ADAMTS6: variants seen among roughly 807,000 people sequenced by gnomAD.
The protein encoded by ADAMTS6 is A disintegrin and metalloproteinase with thrombospondin motifs 6.
Under a neutral mutation model 144.3 loss-of-function variants are expected in ADAMTS6, and 23 were observed. The observed-to-expected ratio is 0.16, with a 90% CI of 0.11 to 0.23. ADAMTS6 has a LOEUF of 0.23. Among genes scored for constraint, ADAMTS6 ranks in the 10% least tolerant of loss-of-function variants. The pLI is 1.00. For missense variants in ADAMTS6, 999 were observed against 1,379.6 expected (o/e 0.72, Z 4.37); for synonymous variants, 444 against 457.5 (o/e 0.97, Z 0.38).
chr5:65,295,718 CTAT>C (rs1742770762), intron 10 of ADAMTS6, among the ~76,000 whole-genome samples: 2 of 152,120 alleles, frequency 1.3e-5, no homozygotes, highest in Middle Eastern at 6.8e-3. Context: ...TTCCTAGACT[CTAT>C]TTTTGTTTAC....
rs776403797 is a variant in ADAMTS6, at chr5:65,226,196, T to C, written c.1957A>G (p.Asn653Asp). 1 of 1,613,780 alleles carries C rather than the reference T, an allele frequency of 6.2e-7. No individual in the cohort carries two copies. The highest frequency in any genetic ancestry group is 1.7e-5 in the Admixed American group (1 of 60,004). Reference protein sequence around the residue: ...TGGGVKPCALNCLAEGYNFYT... With the variant: ...TGGGVKPCALDCLAEGYNFYT... ...AAATTATAACCTTCAGCCAAGCAGTTTAATGCACAAGGTTTTACCCCACCT... is the reference window on the plus strand; with the variant it reads ...AAATTATAACCTTCAGCCAAGCAGTCTAATGCACAAGGTTTTACCCCACCT... The change falls in exon 16 of 25, where the codon AAC becomes GAC. Residue 653 changes from asparagine (N) to aspartate (D), a missense_variant. Around this residue, in one of 3 missense-constraint regions of ADAMTS6, gnomAD observed 619 missense variants for 837.0 expected, o/e 0.74. Coordinates refer to ENST00000381055, the MANE Select transcript of ADAMTS6 (RefSeq NM_197941.4).
At chr5:65,176,457 A>G (rs991609776) in intron 22 of ADAMTS6, among the ~76,000 whole-genome samples, 3 of 152,318 alleles carry the variant, frequency 2.0e-5, no homozygotes, top group Non-Finnish European at 4.4e-5. Context: ...TTAAAAGGTT[A>G]AAAAGTATAT....
chr5:65,473,458 C>T (rs1323904522), intron 2 of ADAMTS6, 119 bp downstream of exon 2: 1 of 803,762 alleles, frequency 1.2e-6, no homozygotes, highest in East Asian at 2.4e-5. Context: ...CACAGTAGGC[C>T]TCTATTCCTA....
intron 7 of ADAMTS6, among the ~76,000 whole-genome samples, chr5:65,445,091 CTTCT>C (rs975822086): frequency 1.3e-5 from 2 of 152,078 alleles, no homozygotes; most frequent in Non-Finnish European, 2.9e-5. Context: ...ACAATACATC[CTTCT>C]TTAACTGTTT....
intron 7 of ADAMTS6, among the ~76,000 whole-genome samples, chr5:65,334,662 T>G (rs1423070985): frequency 6.6e-6 from 1 of 152,178 alleles, no homozygotes; most frequent in East Asian, 1.9e-4. Flanking sequence ...ACAAATATTT[T>G]TAAGTGATTT....
In ADAMTS6 at chr5:65,376,997, C is replaced by T. The variant is rs567351008; in HGVS notation, c.1074-42912G>A. 7.2e-4 allele frequency among the ~76,000 whole-genome samples: 109 copies of T among 151,966 alleles called. 1 individual carries two copies. The highest frequency in any genetic ancestry group is 1.3e-3 in the Non-Finnish European group (90 of 68,004). ...CGAAAAAGGGGTGAGAGTATCCCCCCTACCTCATGGAAGACTTATATATAT... is the reference window on the plus strand; with the variant it reads ...CGAAAAAGGGGTGAGAGTATCCCCCTTACCTCATGGAAGACTTATATATAT... On this transcript the variant is annotated intron_variant, in intron 7 of 24. Coordinates refer to ENST00000381055, the MANE Select transcript of ADAMTS6 (RefSeq NM_197941.4).
intron 24 of ADAMTS6, among the ~76,000 whole-genome samples, chr5:65,162,041 T>G (rs951158545): frequency 6.6e-6 from 1 of 152,228 alleles, no homozygotes; most frequent in Admixed American, 6.5e-5. Context: ...GAAATAACCA[T>G]GAGGTGTTTC....
chr5:65,228,494 T>C (rs779045320), intron 15 of ADAMTS6, among the ~76,000 whole-genome samples: 1 of 152,038 alleles, frequency 6.6e-6, no homozygotes, highest in African/African-American at 2.4e-5. Context: ...CTTTCTACTA[T>C]CATCTCCCTG....
intron 20 of ADAMTS6, among the ~76,000 whole-genome samples, chr5:65,207,088 A>T (rs1171360667): frequency 6.6e-6 from 1 of 152,216 alleles, no homozygotes; most frequent in Non-Finnish European, 1.5e-5. Flanking sequence ...TTTGATCTTC[A>T]AACAAAACAA....
At position 65,170,609 on chromosome 5, in the gene ADAMTS6, A is replaced by C. The variant is rs948470924; in HGVS notation, c.3244+8T>G. The C allele has an allele frequency of 2.2e-5, 36 of 1,613,606 alleles. No homozygotes were observed. The highest frequency in any genetic ancestry group is 2.8e-5 in the Non-Finnish European group (33 of 1,179,860). ...AAACCACAGGCCCCTCCTCCATGGAAAACTCACCTTCAGTATTAGAAATGG... is the reference window on the plus strand; with the variant it reads ...AAACCACAGGCCCCTCCTCCATGGACAACTCACCTTCAGTATTAGAAATGG... On this transcript the variant is annotated splice_region_variant and intron_variant, in intron 24 of 24. Transcript: ENST00000381055.
intron 22 of ADAMTS6, among the ~76,000 whole-genome samples, chr5:65,175,872 GAAAAAAA>G (rs35444401): frequency 6.9e-6 from 1 of 144,344 alleles, no homozygotes; most frequent in African/African-American, 2.6e-5. Context: ...GTAATTGAAG[GAAAAAAA>G]AAAAAAACAT....
At chr5:65,154,401 C>G (rs1222805409) in intron 24 of ADAMTS6, among the ~76,000 whole-genome samples, 1 of 152,174 alleles carries the variant, frequency 6.6e-6, no homozygotes, top group Non-Finnish European at 1.5e-5. Flanking sequence ...TTCCCAATAC[C>G]CTTGTTAAGT....
rs1322596478 is a variant in ADAMTS6 at position 65,385,013 on chromosome 5, T to A, written c.1074-50928A>T. 2.0e-5 allele frequency among the ~76,000 whole-genome samples: 3 copies of A among 152,140 alleles called. No homozygotes were observed. The South Asian group carries it at 6.2e-4, about 31-fold the overall frequency. On this transcript the variant is annotated intron_variant, in intron 7 of 24. Coordinates refer to ENST00000381055, the MANE Select transcript of ADAMTS6 (RefSeq NM_197941.4). ...TAGAAGGCAAAAGGGGCTAACAAGC[T>A]CCCTCAGGCTTCTTTTATAAGGGCA...
intron 9 of ADAMTS6, among the ~76,000 whole-genome samples, chr5:65,300,628 CTT>C (rs1743268365): frequency 6.6e-6 from 1 of 151,208 alleles, no homozygotes; most frequent in African/African-American, 2.4e-5. Flanking sequence ...AGTCCTTTTT[CTT>C]TTTCTTTCTT....
At chr5:65,224,763 T>G (rs1302676520) in intron 17 of ADAMTS6, among the ~76,000 whole-genome samples, 161 bp downstream of exon 17, 1 of 152,218 alleles carries the variant, frequency 6.6e-6, no homozygotes, top group Non-Finnish European at 1.5e-5. Context: ...AATATTTTAC[T>G]TGAAGCCACA....
At chr5:65,313,128 AACACACACACACACACACACACACAC>A (rs61525269) in intron 9 of ADAMTS6, among the ~76,000 whole-genome samples, 2 of 135,760 alleles carry the variant, frequency 1.5e-5, no homozygotes, top group African/African-American at 5.3e-5. Flanking sequence ...TTATTTCTGC[AACACACACACACACACACACACACAC>A]ACACACACAC....
At chr5:65,379,690 C>T (rs1751869400) in intron 7 of ADAMTS6, among the ~76,000 whole-genome samples, 1 of 152,066 alleles carries the variant, frequency 6.6e-6, no homozygotes, top group African/African-American at 2.4e-5. Context: ...TAAACACATG[C>T]ACACACATGT....
At chr5:65,389,039 T>C (rs1198183206) in intron 7 of ADAMTS6, among the ~76,000 whole-genome samples, 1 of 151,920 alleles carries the variant, frequency 6.6e-6, no homozygotes. Flanking sequence ...AACTCTCTAC[T>C]GAAAATACAA....
At chr5:65,407,372 T>C (rs1754623585) in intron 7 of ADAMTS6, among the ~76,000 whole-genome samples, 1 of 151,642 alleles carries the variant, frequency 6.6e-6, no homozygotes, top group South Asian at 2.1e-4. Context: ...AGTTTTAGGG[T>C]ACATGTGCAC....
Sources: gnomAD v4.1 joint callset for allele counts (sites outside exome capture counted in the v4.1 genomes callset) on GRCh38, gnomAD v4.1.1 for gene constraint, gnomAD v4.1.1 regional missense constraint, MANE v1.5 for transcripts, NCBI Gene and HGNC (gene_info 2026-07-23, HGNC 2026-07-21) for gene names.